ZFHX3: variants seen among roughly 807,000 people sequenced by gnomAD.
The protein encoded by ZFHX3 is zinc finger homeobox protein 3.
A neutral mutation model predicts 279.1 loss-of-function variants in ZFHX3; 42 were observed. That is an observed-to-expected ratio of 0.15 (90% CI 0.12 to 0.19). ZFHX3 has a LOEUF of 0.19. ZFHX3 is among the 10% of genes least tolerant of loss of function. ZFHX3 has a pLI of 1.00. For missense variants in ZFHX3, 4,981 were observed against 4,754.0 expected (o/e 1.05, Z -1.40); for synonymous variants, 2,293 against 1,957.8 (o/e 1.17, Z -4.52).
rs142526860 is a variant in ZFHX3, at chr16:73,751,485, G to A, written c.-1607-71245C>T. Among the ~76,000 whole-genome samples, 146 of 151,840 alleles carry A rather than the reference G, an allele frequency of 9.6e-4. No individual in the cohort carries two copies. In the East Asian group the frequency reaches 0.01, roughly 10 times the overall value. On this transcript the variant is annotated intron_variant, in intron 1 of 17. Transcript: ENST00000641206. ...CATTGTACCTGGAAAGATCACAAAC[G>A]AATGTCTAATCATGTACATGGTTAT...
chr16:73,714,483 T>C (rs886486657), intron 1 of ZFHX3, among the ~76,000 whole-genome samples: 3 of 152,172 alleles, frequency 2.0e-5, no homozygotes, highest in Admixed American at 2.0e-4. Context: ...CCACTAGCTT[T>C]ATGTCTTCCT....
chr16:72,791,768 T>C (rs2035712680), intron 9 of ZFHX3: 1 of 152,276 alleles, frequency 6.6e-6, no homozygotes, highest in South Asian at 2.1e-4. Context: ...GTGACATGAC[T>C]TGTCAACACA....
chr16:73,746,359 C>G (rs943653241), intron 1 of ZFHX3, among the ~76,000 whole-genome samples: 1 of 152,134 alleles, frequency 6.6e-6, no homozygotes, highest in Non-Finnish European at 1.5e-5. Context: ...CTCTTATTTA[C>G]GATTTTTATT....
intron 5 of ZFHX3, among the ~76,000 whole-genome samples, chr16:73,242,929 G>T (rs2013168652): frequency 6.6e-6 from 1 of 152,208 alleles, no homozygotes; most frequent in Non-Finnish European, 1.5e-5. Context: ...TGAATCACGA[G>T]GCATTTGGGC....
chr16:73,135,472 G>A (rs1966771396), intron 6 of ZFHX3, among the ~76,000 whole-genome samples: 1 of 152,162 alleles, frequency 6.6e-6, no homozygotes, highest in East Asian at 1.9e-4. Context: ...CAAGGACAGA[G>A]AATAAAAGAA....
At position 73,353,845 on chromosome 16, in the gene ZFHX3, T is replaced by G. The variant is rs577215556; in HGVS notation, c.-1290-35509A>C. On this transcript the variant is annotated intron_variant, in intron 3 of 17. Transcript: ENST00000641206. ...ACGTTATTAATACTTAATATTGTTATTTTTATTTATCAAATAAATAGTGTT... is the reference window on the plus strand; with the variant it reads ...ACGTTATTAATACTTAATATTGTTAGTTTTATTTATCAAATAAATAGTGTT... Among the ~76,000 whole-genome samples the G allele has an allele frequency of 1.8e-4, 27 of 152,348 alleles. No homozygotes were observed. The South Asian group carries it at 5.4e-3, about 30-fold the overall frequency.
At chr16:73,247,160 T>C (rs1167093073) in intron 5 of ZFHX3, among the ~76,000 whole-genome samples, 1 of 151,044 alleles carries the variant, frequency 6.6e-6, no homozygotes, top group African/African-American at 2.4e-5. Context: ...ATATAATGTG[T>C]CTGTGTGTCT....
chr16:73,635,152 G>A (rs991535227), intron 2 of ZFHX3, among the ~76,000 whole-genome samples: 1 of 152,058 alleles, frequency 6.6e-6, no homozygotes, highest in Admixed American at 6.6e-5. Context: ...ATTTTTCCTA[G>A]GTAATCTTGT....
chr16:73,541,837 C>T (rs1469434121), intron 2 of ZFHX3, among the ~76,000 whole-genome samples: 1 of 126,420 alleles, frequency 7.9e-6, no homozygotes, highest in Non-Finnish European at 1.6e-5. Flanking sequence ...GAGTCTCACT[C>T]TGTCACCCAG....
rs1475859754 is a variant in ZFHX3, at chr16:73,817,305, T to C, written c.-1608+74346A>G. Reference sequence around the variant, plus strand: ...ATTTCCCACCCTACCTTCTAATCAATGTAATTCATTGACTTATTCACCATA... The same window carrying C: ...ATTTCCCACCCTACCTTCTAATCAACGTAATTCATTGACTTATTCACCATA... On this transcript the variant is annotated intron_variant, in intron 1 of 17. Transcript: ENST00000641206. Among the ~76,000 whole-genome samples, 6 of 152,170 alleles carry C rather than the reference T, an allele frequency of 3.9e-5. No homozygotes were observed. In the South Asian group the frequency reaches 1.2e-3, roughly 32 times the overall value.
chr16:72,999,908 C>T (rs1216400854), intron 1 of ZFHX3, among the ~76,000 whole-genome samples: 1 of 152,224 alleles, frequency 6.6e-6, no homozygotes, highest in African/African-American at 2.4e-5. Flanking sequence ...AGATTCAGCT[C>T]TAAGAGCAGG....
intron 7 of ZFHX3, among the ~76,000 whole-genome samples, chr16:73,115,024 G>A (rs1966415426): frequency 6.6e-6 from 1 of 152,100 alleles, no homozygotes; most frequent in African/African-American, 2.4e-5. Flanking sequence ...TACTGTCATA[G>A]AAGCAGCTGT....
At chr16:73,780,178 A>G in intron 1 of ZFHX3, among the ~76,000 whole-genome samples, 1 of 100,332 alleles carries the variant, frequency 1.0e-5, no homozygotes, top group Non-Finnish European at 1.8e-5. Context: ...GTCTTGCTCT[A>G]TCCCCCAAGC....
intron 1 of ZFHX3, among the ~76,000 whole-genome samples, chr16:73,884,136 A>T (rs547233760): frequency 2.3e-4 from 35 of 152,330 alleles, no homozygotes; most frequent in African/African-American, 7.9e-4. Context: ...TACTACTCGC[A>T]TATTGAAAAT....
intron 5 of ZFHX3, among the ~76,000 whole-genome samples, chr16:73,147,794 C>A (rs939230505): frequency 5.9e-5 from 9 of 151,986 alleles, no homozygotes; most frequent in Non-Finnish European, 1.2e-4. Context: ...CACTTAAGCC[C>A]CCAGGAGTTC....
intron 3 of ZFHX3, among the ~76,000 whole-genome samples, chr16:73,435,976 C>T (rs1233646678): frequency 6.6e-6 from 1 of 152,192 alleles, no homozygotes; most frequent in African/African-American, 2.4e-5. Flanking sequence ...GGGATGGCTG[C>T]TGTTTTAGTC....
chr16:73,043,823 A>C (rs62055069), intron 1 of ZFHX3, among the ~76,000 whole-genome samples: 4,253 of 152,350 alleles, frequency 0.028, 66 homozygotes, highest in South Asian at 0.062. Context: ...GCCACTTTGC[A>C]CATGTTCAAA....
intron 5 of ZFHX3, among the ~76,000 whole-genome samples, chr16:73,245,726 C>T (rs111548110): frequency 0.017 from 2,576 of 152,270 alleles, 69 homozygotes; most frequent in African/African-American, 0.051. Context: ...GGAAACTCAT[C>T]AGATTGTAGC....
At chr16:72,951,658 C>T (rs1961007398) in intron 2 of ZFHX3, among the ~76,000 whole-genome samples, 1 of 152,212 alleles carries the variant, frequency 6.6e-6, no homozygotes, top group African/African-American at 2.4e-5. Context: ...AAACTGCAGA[C>T]CTTCCAAAAT....
Sources: allele counts gnomAD v4.1 joint callset (sites outside exome capture counted in the v4.1 genomes callset), GRCh38; gene constraint gnomAD v4.1.1; transcripts MANE v1.5; gene names NCBI Gene and HGNC (gene_info 2026-07-23, HGNC 2026-07-21).